Variants in CPN1 observed in about 807,000 individuals in gnomAD.
CPN1 encodes carboxypeptidase N catalytic chain.
Under a neutral mutation model 46.4 loss-of-function variants are expected in CPN1, and 37 were observed. That is an observed-to-expected ratio of 0.80 (90% CI 0.61 to 1.05). CPN1 has a LOEUF of 1.05. Among genes scored for constraint, CPN1 ranks in the 50% least tolerant of loss-of-function variants. The probability of loss-of-function intolerance (pLI) is 0.00; values close to 1 mark genes in which losing one functional copy is unlikely to be tolerated. For missense variants in CPN1, 563 were observed against 602.6 expected, an observed-to-expected ratio of 0.93 and a Z score of 0.69; for synonymous variants, 224 against 235.4, an observed-to-expected ratio of 0.95 and a Z score of 0.44.
At chr10:100,063,533 T>A (rs1589475512) in intron 5 of CPN1, 81 bp downstream of exon 5, 1 of 1,081,272 alleles carries the variant, frequency 9.2e-7, no homozygotes, top group Non-Finnish European at 1.4e-6. Flanking sequence ...TCCCATTGTT[T>A]CCCTGAGAAA....
chr10:100,043,425 G>A (rs1167736192), intron 8 of CPN1, among the ~76,000 whole-genome samples: 1 of 151,500 alleles, frequency 6.6e-6, no homozygotes. Flanking sequence ...AGAAAAGAAA[G>A]AAAAATATAT....
chr10:100,062,415 T>C (rs1008580888), intron 5 of CPN1, among the ~76,000 whole-genome samples: 5 of 152,134 alleles, frequency 3.3e-5, no homozygotes, highest in African/African-American at 1.2e-4. Context: ...CCAGGGAATG[T>C]ATCTCAGGGG....
At position 100,042,420 on chromosome 10, in the gene CPN1, G is replaced by A. The variant is rs760239203; in HGVS notation, c.*7C>T. The A allele has an allele frequency of 6.2e-7, 1 of 1,612,880 alleles. No individual in the cohort carries two copies. The highest frequency in any genetic ancestry group is 8.5e-7 in the Non-Finnish European group (1 of 1,179,962). On this transcript the variant is annotated 3_prime_UTR_variant, in exon 9 of 9. Coordinates refer to ENST00000370418, the MANE Select transcript of CPN1 (RefSeq NM_001308.3). ...CCTTTCTGAAGGGTTGCCTGGCACT[G>A]TGGGTTTCAGGCAGGGCCTCTCTGC...
At position 100,075,929 on chromosome 10, in the gene CPN1, G is replaced by A. The variant is rs748852657; in HGVS notation, c.402C>T (p.Tyr134=). 1.4e-5 allele frequency: 22 copies of A among 1,614,100 alleles called. No individual in the cohort carries two copies. In the East Asian group the frequency reaches 2.9e-4, roughly 21 times the overall value. ...HILPSMNPDG[Y]EVAAAQGPNK... is the part of the protein sequence containing the mutation. ...CTCGTACCTGGGCAGCAGCCACCTC[G>A]TAGCCGTCGGGGTTCATGGATGGCA... is the stretch of plus-strand genomic sequence containing the variant. The change falls in exon 2 of 9, where the codon TAC becomes TAT. Residue 134 remains tyrosine (Y), a synonymous_variant. Transcript: ENST00000370418.
At chr10:100,048,720 G>T in intron 8 of CPN1, 38 bp downstream of exon 8, 1 of 1,375,502 alleles carries the variant, frequency 7.3e-7, no homozygotes, top group South Asian at 1.2e-5. Flanking sequence ...CTGTATAAGT[G>T]ATCTCTACAG....
intron 1 of CPN1, among the ~76,000 whole-genome samples, chr10:100,081,119 A>C (rs542419169): frequency 6.6e-6 from 1 of 152,282 alleles, no homozygotes; most frequent in South Asian, 2.1e-4. Flanking sequence ...GGGGGAAATG[A>C]AGGGATATGG....
In CPN1 at chr10:100,081,660, G is replaced by T. The variant is rs2041548132; in HGVS notation, c.-35C>A. 6 of 1,574,994 alleles carry T rather than the reference G, an allele frequency of 3.8e-6. No homozygotes were observed. In the East Asian group the frequency reaches 9.0e-5, roughly 24 times the overall value. On this transcript the variant is annotated 5_prime_UTR_variant, in exon 1 of 9. Transcript: ENST00000370418. ...CTTTTTCAAAGAGAGCCACTGAAAC[G>T]CGCCCCACCTCCTTAAACAACCTAG...
chr10:100,058,986 G>A (rs1409475921), intron 5 of CPN1, among the ~76,000 whole-genome samples: 2 of 152,136 alleles, frequency 1.3e-5, no homozygotes, highest in African/African-American at 2.4e-5. Context: ...ATATCCAAAT[G>A]CAAAAGAATG....
chr10:100,054,200 A>G (rs932998993), intron 7 of CPN1, 147 bp downstream of exon 7: 33 of 694,092 alleles, frequency 4.8e-5, no homozygotes, highest in Non-Finnish European at 7.2e-5. Flanking sequence ...CTCCATTTTC[A>G]TTGCCCTTCT....
intron 5 of CPN1, among the ~76,000 whole-genome samples, chr10:100,058,697 A>G (rs948787521): frequency 6.6e-6 from 1 of 152,188 alleles, no homozygotes; most frequent in Non-Finnish European, 1.5e-5. Context: ...TTCATATGGA[A>G]TTTTAAGCAA....
chr10:100,049,150 G>A (rs899680468), intron 7 of CPN1, among the ~76,000 whole-genome samples: 1 of 151,926 alleles, frequency 6.6e-6, no homozygotes, highest in Non-Finnish European at 1.5e-5. Flanking sequence ...GTAGAGACGG[G>A]GTTTCATCAT....
chr10:100,064,071 T>C (rs2041437906), intron 4 of CPN1, among the ~76,000 whole-genome samples: 1 of 152,140 alleles, frequency 6.6e-6, no homozygotes, highest in Non-Finnish European at 1.5e-5. Flanking sequence ...CACTAGATGA[T>C]ATTGAAGGTC....
intron 3 of CPN1, among the ~76,000 whole-genome samples, chr10:100,066,813 A>C (rs1475270181): frequency 6.6e-6 from 1 of 152,180 alleles, no homozygotes; most frequent in East Asian, 1.9e-4. Flanking sequence ...AATCAGAATG[A>C]ATATAATTGC....
At chr10:100,064,466 C>T (rs939667038) in intron 4 of CPN1, among the ~76,000 whole-genome samples, 10 of 151,126 alleles carry the variant, frequency 6.6e-5, no homozygotes, top group African/African-American at 1.5e-4. Flanking sequence ...CTGCAACCTC[C>T]GCCTCCCAGC....
At chr10:100,080,178 G>A (rs1165063334) in intron 1 of CPN1, among the ~76,000 whole-genome samples, 9 of 152,174 alleles carry the variant, frequency 5.9e-5, no homozygotes, top group African/African-American at 2.2e-4. Context: ...GGCAGGGGAT[G>A]TGGAAGCGAA....
rs569681873 is a variant in CPN1, at chr10:100,063,189, T to C, written c.871+425A>G. 7.9e-5 allele frequency among the ~76,000 whole-genome samples: 12 copies of C among 152,280 alleles called. No homozygotes were observed. In the South Asian group the frequency reaches 2.3e-3, roughly 29 times the overall value. ...AGGCTGGAGTGCAGTGATGCGATCA[T>C]GGCTCACTGCAAACTCTGCCTCCCG... On this transcript the variant is annotated intron_variant, in intron 5 of 8. Coordinates refer to ENST00000370418, the MANE Select transcript of CPN1 (RefSeq NM_001308.3).
chr10:100,057,221 T>C (rs550541018), intron 5 of CPN1, 69 bp from the exon 6 acceptor site: 1 of 1,531,902 alleles, frequency 6.5e-7, no homozygotes, highest in Admixed American at 2.1e-5. Context: ...CTCATCTCTC[T>C]CTCTCTCTTT....
chr10:100,072,408 C>A (rs765286042), intron 2 of CPN1, among the ~76,000 whole-genome samples: 1 of 152,122 alleles, frequency 6.6e-6, no homozygotes, highest in Admixed American at 6.5e-5. Flanking sequence ...CTTCTAGGCT[C>A]AAGTGATCCA....
chr10:100,043,642 T>C (rs1287109856), intron 8 of CPN1, among the ~76,000 whole-genome samples: 1 of 151,708 alleles, frequency 6.6e-6, no homozygotes, highest in Non-Finnish European at 1.5e-5. Flanking sequence ...AGTGTTGGTA[T>C]GGACTTGGGG....
Sources: gnomAD v4.1 joint callset for allele counts (sites outside exome capture counted in the v4.1 genomes callset) on GRCh38, gnomAD v4.1.1 for gene constraint, MANE v1.5 for transcripts, NCBI Gene and HGNC (gene_info 2026-07-23, HGNC 2026-07-21) for gene names.